The following DGKB variants were observed in gnomAD, a reference collection of about 807,000 sequenced individuals.
DGKB encodes the protein 90 kDa diacylglycerol kinase.
DGKB carries 67 observed loss-of-function variants against 114.3 expected under a neutral mutation model. The ratio of observed to expected loss-of-function variants is 0.59; its 90% CI spans 0.48 to 0.72. The LOEUF is 0.72. DGKB is among the 30% of genes least tolerant of loss of function. The pLI is 0.00. For synonymous variants in DGKB, 398 were observed against 323.1 expected, an observed-to-expected ratio of 1.23 and a Z score of -2.49; for missense variants, 907 against 975.2, an observed-to-expected ratio of 0.93 and a Z score of 0.93.
At chr7:14,773,252 T>C (rs1304572462) in intron 2 of DGKB, among the ~76,000 whole-genome samples, 1 of 152,204 alleles carries the variant, frequency 6.6e-6, no homozygotes, top group African/African-American at 2.4e-5. Flanking sequence ...TTGAGTTTTA[T>C]ATACATGTTT....
chr7:14,260,347 C>G (rs1796588372), intron 23 of DGKB, among the ~76,000 whole-genome samples: 1 of 152,042 alleles, frequency 6.6e-6, no homozygotes, highest in African/African-American at 2.4e-5. Flanking sequence ...TTGGATTTTC[C>G]CAGGTGAAGA....
At chr7:14,515,215 A>G (rs1044240727) in intron 20 of DGKB, among the ~76,000 whole-genome samples, 7 of 152,184 alleles carry the variant, frequency 4.6e-5, no homozygotes, top group Admixed American at 4.6e-4. Context: ...GAAACACATT[A>G]TGACATCAAT....
chr7:14,506,824 T>C (rs1787154071), intron 20 of DGKB, among the ~76,000 whole-genome samples: 1 of 152,204 alleles, frequency 6.6e-6, no homozygotes. Flanking sequence ...ACCCTGTAAT[T>C]TGCTGTCTTT....
intron 23 of DGKB, among the ~76,000 whole-genome samples, chr7:14,308,058 A>G (rs1488185520): frequency 6.6e-6 from 1 of 152,114 alleles, no homozygotes; most frequent in African/African-American, 2.4e-5. Context: ...AAATTAAAAT[A>G]ATGTAAAAAT....
intron 1 of DGKB, among the ~76,000 whole-genome samples, chr7:14,923,120 A>G (rs552943684): frequency 6.6e-5 from 10 of 152,148 alleles, no homozygotes; most frequent in African/African-American, 1.7e-4. Context: ...CCACTCTCCT[A>G]TGGGTTCTGA....
chr7:14,881,066 T>C (rs774995044), intron 1 of DGKB, among the ~76,000 whole-genome samples: 115 of 152,268 alleles, frequency 7.6e-4, no homozygotes, highest in Non-Finnish European at 9.3e-4. Context: ...ATTTCTAATA[T>C]TTTACAGTAA....
chr7:14,695,495 T>TCTCTCTC (rs1491095073), intron 8 of DGKB, among the ~76,000 whole-genome samples: 4 of 59,576 alleles, frequency 6.7e-5, no homozygotes, highest in African/African-American at 2.3e-4. Flanking sequence ...TCTCTCTCTC[T>TCTCTCTC]TTTTTTTTTT....
chr7:14,917,897 C>A (rs1562874507), intron 1 of DGKB, among the ~76,000 whole-genome samples: 1 of 152,054 alleles, frequency 6.6e-6, no homozygotes, highest in African/African-American at 2.4e-5. Context: ...ATAGAAAGAA[C>A]TATACACCAC....
In DGKB at chr7:14,709,337, G is replaced by A. The variant is rs903107811; in HGVS notation, c.467-7607C>T. Among the ~76,000 whole-genome samples, 11 of 139,996 alleles carry A rather than the reference G, an allele frequency of 7.9e-5. 1 individual carries two copies. Among genetic ancestry groups the A allele is most frequent in the African/African-American group, 2.1e-4 (8 of 37,820 alleles). The allele number at this position is 139,996 out of a possible 152,430, so 91.8% of individuals were successfully genotyped here. On this transcript the variant is annotated intron_variant, in intron 6 of 25. Coordinates refer to ENST00000402815, the MANE Select transcript of DGKB (RefSeq NM_001350709.2). ...AACAACAGGTGCTGGAGAGGATGTG[G>A]AGAAATAGGAACACTTTTACACTGT...
chr7:14,392,995 G>GTTTTGTTTTTTGTTTTTTTT (rs1554404749), intron 21 of DGKB, among the ~76,000 whole-genome samples: 2 of 60,546 alleles, frequency 3.3e-5, no homozygotes, highest in African/African-American at 9.7e-5. Context: ...TTTTGTTTTT[G>GTTTTGTTTTTTGTTTTTTTT]TTTTTTTTTT....
intron 12 of DGKB, among the ~76,000 whole-genome samples, chr7:14,673,639 A>G (rs1198601575): frequency 6.6e-6 from 1 of 152,052 alleles, no homozygotes; most frequent in Admixed American, 6.6e-5. Context: ...TAATCATACA[A>G]TGTCCTATTT....
chr7:14,290,329 C>A (rs1801566803), intron 23 of DGKB, among the ~76,000 whole-genome samples: 1 of 151,542 alleles, frequency 6.6e-6, no homozygotes, highest in Admixed American at 6.6e-5. Context: ...TGTTTTTTTT[C>A]CAATTTGCTT....
intron 1 of DGKB, among the ~76,000 whole-genome samples, chr7:14,872,285 C>G (rs545746042): frequency 8.5e-5 from 13 of 152,270 alleles, no homozygotes; most frequent in African/African-American, 3.1e-4. Context: ...GCTATACCTG[C>G]TACCACTAGC....
At chr7:14,901,016 T>C (rs1308811583) in intron 1 of DGKB, among the ~76,000 whole-genome samples, 1 of 152,158 alleles carries the variant, frequency 6.6e-6, no homozygotes, top group African/African-American at 2.4e-5. Context: ...CCCTCATGTA[T>C]GCACTATTGT....
intron 23 of DGKB, among the ~76,000 whole-genome samples, chr7:14,206,225 A>G (rs546983253): frequency 1.3e-5 from 2 of 152,116 alleles, no homozygotes; most frequent in Non-Finnish European, 2.9e-5. Context: ...GAAAAACATG[A>G]TAGGGGTTAT....
intron 6 of DGKB, among the ~76,000 whole-genome samples, chr7:14,711,410 A>T (rs78051413): frequency 0.026 from 3,959 of 152,226 alleles, 83 homozygotes; most frequent in South Asian, 0.048. Context: ...ATTTTCAGTG[A>T]TAAGTCTACT....
chr7:14,207,348 G>A (rs1787002701), intron 23 of DGKB, among the ~76,000 whole-genome samples: 1 of 152,058 alleles, frequency 6.6e-6, no homozygotes, highest in Non-Finnish European at 1.5e-5. Context: ...TGAGATGTTT[G>A]GAATGCAGTG....
intron 23 of DGKB, among the ~76,000 whole-genome samples, chr7:14,294,964 C>T (rs780026196): frequency 2.0e-5 from 3 of 151,982 alleles, no homozygotes; most frequent in Non-Finnish European, 4.4e-5. Flanking sequence ...GAAAGGTTCC[C>T]GAAATTTTTC....
chr7:14,155,559 T>TG (rs1407385136), intron 25 of DGKB, among the ~76,000 whole-genome samples: 2 of 152,046 alleles, frequency 1.3e-5, no homozygotes, highest in African/African-American at 4.8e-5. Context: ...ACCAGAGGCA[T>TG]GGAGATCAAA....
Sources: allele counts gnomAD v4.1 joint callset (sites outside exome capture counted in the v4.1 genomes callset), GRCh38; gene constraint gnomAD v4.1.1; transcripts MANE v1.5; gene names NCBI Gene and HGNC (gene_info 2026-07-23, HGNC 2026-07-21).